APBB1IP: variants seen among roughly 807,000 people sequenced by gnomAD.
APBB1IP encodes the protein amyloid beta A4 precursor protein-binding family B member 1-interacting protein.
Under a neutral mutation model 64.9 loss-of-function variants are expected in APBB1IP, and 27 were observed. That is an observed-to-expected ratio of 0.42 (90% CI 0.31 to 0.57). APBB1IP has a LOEUF of 0.57. Ranked by LOEUF, APBB1IP falls within the 20% of genes least tolerant of loss-of-function variation. APBB1IP has a pLI of 0.20. For missense variants in APBB1IP, 812 were observed against 845.5 expected (o/e 0.96, Z 0.49); for synonymous variants, 392 against 331.0 (o/e 1.18, Z -2.00).
chr10:26,515,779 G>A (rs570733250), intron 8 of APBB1IP, among the ~76,000 whole-genome samples: 58 of 152,062 alleles, frequency 3.8e-4, no homozygotes, highest in Non-Finnish European at 6.9e-4. Context: ...TACCCCTTTA[G>A]GCTGGATCAG....
chr10:26,505,312 C>G (rs749105274), intron 6 of APBB1IP, among the ~76,000 whole-genome samples: 8 of 152,204 alleles, frequency 5.3e-5, no homozygotes, highest in African/African-American at 7.2e-5. Flanking sequence ...TCTGGTTCCA[C>G]TCATTCCAAA....
At chr10:26,454,195 C>A (rs928009087) in intron 2 of APBB1IP, among the ~76,000 whole-genome samples, 1 of 152,148 alleles carries the variant, frequency 6.6e-6, no homozygotes, top group African/African-American at 2.4e-5. Context: ...AATACCAGCA[C>A]TTTGGGAGGC....
Position 26,563,384 on chromosome 10 carries a change from A to C in APBB1IP, c.1473+955A>C, listed in dbSNP as rs986232076. Among the ~76,000 whole-genome samples the C allele has an allele frequency of 7.9e-5, 12 of 152,276 alleles. No homozygotes were observed. In the East Asian group the frequency reaches 2.3e-3, roughly 29 times the overall value. ...AAGAAAAAAGATAAAGAAGGGTTAC[A>C]CTAAAAATGTGTATTTTCTATTTTC... On this transcript the variant is annotated intron_variant, in intron 14 of 14. Transcript: ENST00000376236.
At chr10:26,516,347 AGTTT>A (rs1431419427) in intron 8 of APBB1IP, among the ~76,000 whole-genome samples, 4 of 151,786 alleles carry the variant, frequency 2.6e-5, no homozygotes, top group African/African-American at 9.7e-5. Context: ...TGAGGTCAGG[AGTTT>A]GACCAACATA....
rs540110601 is a variant in APBB1IP at position 26,545,778 on chromosome 10, C to CA, written c.1155+4089dup. ...CCGTCTCAAAAAAAAAACAAACAAA[C>CA]AAACAAAAAAAAACCACAAAAATTA... On this transcript the variant is annotated intron_variant, in intron 11 of 14. Coordinates refer to ENST00000376236, the MANE Select transcript of APBB1IP (RefSeq NM_019043.4). 0.012 allele frequency among the ~76,000 whole-genome samples: 680 copies of CA among 55,546 alleles called. 27 individuals carry two copies. In the East Asian group the frequency reaches 0.16, roughly 13 times the overall value. 36.4% of individuals were successfully genotyped at this position (55,546 alleles called of 152,430 possible).
At chr10:26,501,708 A>G (rs1836102706) in intron 5 of APBB1IP, 1 of 152,898 alleles carries the variant, frequency 6.5e-6, no homozygotes, top group African/African-American at 2.4e-5. Context: ...AACTCATAGT[A>G]TGTCTCTCAT....
chr10:26,449,911 G>T (rs1835446073), intron 2 of APBB1IP, among the ~76,000 whole-genome samples: 1 of 152,086 alleles, frequency 6.6e-6, no homozygotes, highest in Non-Finnish European at 1.5e-5. Flanking sequence ...GGAGGCTGAA[G>T]CAGGAGGATT....
chr10:26,561,446 T>G (rs1472199461), intron 13 of APBB1IP, among the ~76,000 whole-genome samples: 1 of 150,858 alleles, frequency 6.6e-6, no homozygotes, highest in Non-Finnish European at 1.5e-5. Context: ...TGGAGCCCTG[T>G]ATCTATTTTA....
At chr10:26,562,292 G>A (rs1286623450) in intron 13 of APBB1IP, 34 bp from the exon 14 acceptor site, 2 of 1,478,534 alleles carry the variant, frequency 1.4e-6, no homozygotes, top group Middle Eastern at 3.4e-4. Context: ...AAAATGCTTT[G>A]CTCACTCTTC....
chr10:26,503,656 A>G (rs1021642984), intron 6 of APBB1IP, among the ~76,000 whole-genome samples: 6 of 152,190 alleles, frequency 3.9e-5, no homozygotes, highest in Non-Finnish European at 7.3e-5. Context: ...AAAAAGAAAA[A>G]AAGAAAGAAA....
chr10:26,501,623 G>A (rs1836101593), intron 5 of APBB1IP: 1 of 159,494 alleles, frequency 6.3e-6, no homozygotes, highest in Non-Finnish European at 1.4e-5. Flanking sequence ...GATGATGGGT[G>A]CTTGATATTG....
intron 2 of APBB1IP, among the ~76,000 whole-genome samples, chr10:26,482,412 C>A (rs186074801): frequency 6.6e-6 from 1 of 152,136 alleles, no homozygotes; most frequent in South Asian, 2.1e-4. Flanking sequence ...CTTGATAAAA[C>A]GCTTTCATTG....
In APBB1IP at chr10:26,445,128, AAAAGAAAGAAAGAAAGAAAGAAAGAAAG is replaced by A. The variant is rs762345104; in HGVS notation, c.-1+6315_-1+6342del. ...AAAAGAGGAAAAGAAAGAAAGAAAG[AAAAGAAAGAAAGAAAGAAAGAAAGAAAG>A]AAAGAAAGAAAGAAAGAAAGAAAGA... is the stretch of plus-strand genomic sequence containing the variant. On this transcript the variant is annotated intron_variant, in intron 2 of 14. Transcript: ENST00000376236. Among the ~76,000 whole-genome samples the A allele has an allele frequency of 6.1e-3, 621 of 102,186 alleles. 4 individuals carry two copies. Among genetic ancestry groups the A allele is most frequent in the Admixed American group, 9.7e-3 (85 of 8,732 alleles). The allele number at this position is 102,186 out of a possible 152,430, so 67.0% of individuals were successfully genotyped here. A position where few individuals can be genotyped will look rare whatever the true frequency, so the allele number is the denominator to read the frequency against.
At chr10:26,481,572 G>T (rs895711928) in intron 2 of APBB1IP, among the ~76,000 whole-genome samples, 2 of 152,082 alleles carry the variant, frequency 1.3e-5, no homozygotes, top group Non-Finnish European at 2.9e-5. Flanking sequence ...GTAGCCATGA[G>T]CTCTTGCGCT....
chr10:26,516,056 A>G (rs1036960379), intron 8 of APBB1IP, among the ~76,000 whole-genome samples: 19 of 152,192 alleles, frequency 1.2e-4, no homozygotes, highest in Admixed American at 1.2e-3. Flanking sequence ...AAATGACAGA[A>G]CAAAGGGAAT....
intron 9 of APBB1IP, among the ~76,000 whole-genome samples, chr10:26,534,849 T>C (rs1836600255): frequency 6.6e-6 from 1 of 152,188 alleles, no homozygotes; most frequent in Non-Finnish European, 1.5e-5. Flanking sequence ...CTATGAACAA[T>C]CGTTATCCTG....
At chr10:26,541,791 C>A in intron 11 of APBB1IP, 99 bp downstream of exon 11, 4 of 836,052 alleles carry the variant, frequency 4.8e-6, no homozygotes, top group African/African-American at 1.8e-5. Context: ...ATATGTGTAA[C>A]AATAAGAAAT....
chr10:26,527,129 C>T (rs567675856), intron 8 of APBB1IP, among the ~76,000 whole-genome samples: 2 of 152,366 alleles, frequency 1.3e-5, no homozygotes, highest in East Asian at 3.9e-4. Context: ...ATACAGTAAT[C>T]ACCTTTATGG....
Position 26,492,401 on chromosome 10 carries a change from A to C in APBB1IP, c.72+3A>C, listed in dbSNP as rs1193175482. ...GAGAGATGGATCTTCTGACTCAGGT[A>C]AACTTCCCTTTTTAACTGGCAAATT... On this transcript the variant is annotated splice_donor_region_variant and intron_variant, in intron 3 of 14. Transcript: ENST00000376236. The C allele has an allele frequency of 6.2e-7, 1 of 1,613,738 alleles. No homozygotes were observed. The highest frequency in any genetic ancestry group is 8.5e-7 in the Non-Finnish European group (1 of 1,179,796).
Sources: gnomAD v4.1 joint callset for allele counts (sites outside exome capture counted in the v4.1 genomes callset) on GRCh38, gnomAD v4.1.1 for gene constraint, MANE v1.5 for transcripts, NCBI Gene and HGNC (gene_info 2026-07-23, HGNC 2026-07-21) for gene names.